The following ST8SIA2 variants were observed in gnomAD, a reference collection of about 807,000 sequenced individuals.
ST8SIA2 encodes the protein ST8 alpha-N-acetyl-neuraminide alpha-2,8-sialyltransferase 2.
Under a neutral mutation model 37.6 loss-of-function variants are expected in ST8SIA2, and 22 were observed. The ratio of observed to expected loss-of-function variants is 0.58; its 90% CI spans 0.42 to 0.83. The LOEUF (loss-of-function observed/expected upper bound fraction) is 0.83. ST8SIA2 is among the 40% of genes least tolerant of loss of function. The probability of loss-of-function intolerance (pLI) is 0.00; values close to 1 mark genes in which losing one functional copy is unlikely to be tolerated. For missense variants in ST8SIA2, 382 were observed against 484.7 expected (o/e 0.79, Z 1.99); for synonymous variants, 205 against 201.2 (o/e 1.02, Z -0.16).
At chr15:92,398,841 A>C (rs2049450588) in intron 1 of ST8SIA2, among the ~76,000 whole-genome samples, 1 of 152,176 alleles carries the variant, frequency 6.6e-6, no homozygotes, top group Non-Finnish European at 1.5e-5. Context: ...TAATAATGTT[A>C]ACGAATATAT....
At chr15:92,426,955 G>A (rs548414306) in intron 1 of ST8SIA2, among the ~76,000 whole-genome samples, 2 of 152,190 alleles carry the variant, frequency 1.3e-5, no homozygotes, top group East Asian at 3.9e-4. Flanking sequence ...TTAGCCGGGC[G>A]TGATGGCAGG....
At chr15:92,434,640 TCGGGTCA>T (rs1470960441) in intron 3 of ST8SIA2, among the ~76,000 whole-genome samples, 1 of 151,702 alleles carries the variant, frequency 6.6e-6, no homozygotes, top group Non-Finnish European at 1.5e-5. Context: ...ACCTTGAGTC[TCGGGTCA>T]GCAGCAGAGG....
chr15:92,437,932 G>A (rs2049770718), intron 3 of ST8SIA2, among the ~76,000 whole-genome samples: 1 of 152,192 alleles, frequency 6.6e-6, no homozygotes, highest in African/African-American at 2.4e-5. Context: ...GGTAATGTAA[G>A]CTCACCAAAT....
intron 1 of ST8SIA2, among the ~76,000 whole-genome samples, chr15:92,400,706 G>A (rs2049463721): frequency 6.6e-6 from 1 of 152,184 alleles, no homozygotes; most frequent in Non-Finnish European, 1.5e-5. Context: ...TGGTTCTCCA[G>A]AGAGCCCTTT....
intron 4 of ST8SIA2, among the ~76,000 whole-genome samples, chr15:92,441,826 AT>A: frequency 6.6e-6 from 1 of 152,294 alleles, no homozygotes; most frequent in South Asian, 2.1e-4. Context: ...CAGTGAGGAA[AT>A]TGAGGCAGAG....
At chr15:92,425,538 G>T (rs933309011) in intron 1 of ST8SIA2, among the ~76,000 whole-genome samples, 20 of 152,176 alleles carry the variant, frequency 1.3e-4, no homozygotes, top group African/African-American at 4.8e-4. Context: ...GTATGTCAAG[G>T]CCAACAGATG....
In ST8SIA2 at chr15:92,447,894, G is replaced by A. The variant is rs186788899; in HGVS notation, c.842+2965G>A. On this transcript the variant is annotated intron_variant, in intron 5 of 5. Coordinates refer to ENST00000268164, the MANE Select transcript of ST8SIA2 (RefSeq NM_006011.4). Reference sequence around the variant, plus strand: ...GGTCTGCAGTGGCAACCCTCATCTCGTGGACTGTTTAAATATTAAATATCG... The same window carrying A: ...GGTCTGCAGTGGCAACCCTCATCTCATGGACTGTTTAAATATTAAATATCG... 1.4e-4 allele frequency among the ~76,000 whole-genome samples: 22 copies of A among 152,246 alleles called. No homozygotes were observed. The East Asian group carries it at 2.9e-3, about 20-fold the overall frequency.
intron 1 of ST8SIA2, among the ~76,000 whole-genome samples, chr15:92,395,103 C>T (rs1362445624): frequency 6.6e-6 from 1 of 152,146 alleles, no homozygotes; most frequent in Non-Finnish European, 1.5e-5. Context: ...CCGGGCCGGG[C>T]CCCTCTCCGG....
chr15:92,420,079 A>G (rs1055121915), intron 1 of ST8SIA2, among the ~76,000 whole-genome samples: 3 of 152,070 alleles, frequency 2.0e-5, no homozygotes, highest in African/African-American at 7.2e-5. Context: ...GTTGGCCAGG[A>G]TGGTCTCGAT....
intron 1 of ST8SIA2, among the ~76,000 whole-genome samples, chr15:92,413,484 A>C (rs1441509147): frequency 2.6e-5 from 4 of 152,182 alleles, no homozygotes; most frequent in African/African-American, 9.7e-5. Flanking sequence ...GTTGTATCAA[A>C]GAGGTATGTT....
At chr15:92,399,911 G>C (rs2049458038) in intron 1 of ST8SIA2, among the ~76,000 whole-genome samples, 1 of 152,166 alleles carries the variant, frequency 6.6e-6, no homozygotes, top group African/African-American at 2.4e-5. Flanking sequence ...TTCTAGAAAG[G>C]CTCCCATTGC....
At chr15:92,407,356 A>T (rs912956635) in intron 1 of ST8SIA2, among the ~76,000 whole-genome samples, 1 of 152,232 alleles carries the variant, frequency 6.6e-6, no homozygotes, top group Non-Finnish European at 1.5e-5. Flanking sequence ...GGTTGAAGTG[A>T]TTTATTACAT....
At chr15:92,463,661 G>A (rs867915023) in intron 5 of ST8SIA2, among the ~76,000 whole-genome samples, 3 of 152,158 alleles carry the variant, frequency 2.0e-5, no homozygotes, top group Admixed American at 6.5e-5. Context: ...GCTACACAAC[G>A]GTCAAGTAGT....
chr15:92,394,160 C>G lies in ST8SIA2; in HGVS notation c.96C>G (p.Ile32Met). Residue 32 changes from isoleucine (I) to methionine (M), a missense_variant and splice_region_variant, in exon 1 of 6, where the codon ATC becomes ATG. Transcript: ENST00000268164. The stretch of plus-strand genomic sequence containing the variant: ...ACATCTCAGAGATCGAAGAAGAAAT[C>G]GGGTAAATAGCTGCTCCCAGGCCCG... ...FADISEIEEE[I>M]GNSGGRGTIR... 3 of 1,554,846 alleles carry G rather than the reference C, an allele frequency of 1.9e-6. No individual in the cohort carries two copies. The highest frequency in any genetic ancestry group is 1.7e-6 in the Non-Finnish European group (2 of 1,148,048).
chr15:92,430,481 C>T (rs2049707401), intron 2 of ST8SIA2, among the ~76,000 whole-genome samples: 3 of 152,142 alleles, frequency 2.0e-5, no homozygotes. Flanking sequence ...AATGGCTCGT[C>T]CAGGAGGTTA....
intron 3 of ST8SIA2, among the ~76,000 whole-genome samples, chr15:92,434,860 G>A (rs1386668771): frequency 6.6e-6 from 1 of 152,146 alleles, no homozygotes; most frequent in Non-Finnish European, 1.5e-5. Context: ...TAGAGCCATA[G>A]GGGCATCCGG....
chr15:92,438,068 A>C (rs1596242789), intron 3 of ST8SIA2, among the ~76,000 whole-genome samples: 1 of 151,992 alleles, frequency 6.6e-6, no homozygotes, highest in Non-Finnish European at 1.5e-5. Flanking sequence ...TGAGGAGCTC[A>C]CTCCAGCCCT....
intron 1 of ST8SIA2, among the ~76,000 whole-genome samples, chr15:92,411,298 G>A (rs1439532081): frequency 3.9e-5 from 6 of 152,134 alleles, no homozygotes; most frequent in Admixed American, 2.0e-4. Context: ...ATGTGCAGAC[G>A]ATGCATCAGT....
chr15:92,410,052 T>C (rs939144901), intron 1 of ST8SIA2, among the ~76,000 whole-genome samples: 1 of 152,272 alleles, frequency 6.6e-6, no homozygotes, highest in Non-Finnish European at 1.5e-5. Flanking sequence ...CACCAGGCCA[T>C]TGCCCTAAGG....
Sources: gnomAD v4.1 joint callset for allele counts (sites outside exome capture counted in the v4.1 genomes callset) on GRCh38, gnomAD v4.1.1 for gene constraint, MANE v1.5 for transcripts, NCBI Gene and HGNC (gene_info 2026-07-23, HGNC 2026-07-21) for gene names.